Variants in NCKAP5 observed in about 807,000 individuals in gnomAD.
NCKAP5 encodes the protein NCK associated protein 5.
NCKAP5 carries 92 observed loss-of-function variants against 167.0 expected under a neutral mutation model. The observed-to-expected ratio is 0.55, with a 90% CI of 0.47 to 0.66. The LOEUF is 0.66. Among genes scored for constraint, NCKAP5 ranks in the 30% least tolerant of loss-of-function variants. The pLI is 0.00. For synonymous variants in NCKAP5, 891 were observed against 877.4 expected, an observed-to-expected ratio of 1.02 and a Z score of -0.27; for missense variants, 2,378 against 2,315.0, an observed-to-expected ratio of 1.03 and a Z score of -0.56.
At chr2:133,265,386 G>A (rs2089143593) in intron 4 of NCKAP5, among the ~76,000 whole-genome samples, 1 of 152,166 alleles carries the variant, frequency 6.6e-6, no homozygotes, top group Admixed American at 6.5e-5. Context: ...TTTTCTCTAA[G>A]GGGTAGTGTA....
chr2:133,028,977 C>T (rs12473775), intron 6 of NCKAP5, among the ~76,000 whole-genome samples: 1 of 152,036 alleles, frequency 6.6e-6, no homozygotes, highest in Non-Finnish European at 1.5e-5. Context: ...CCTTTGCCTT[C>T]CGCCATGATT....
Position 132,825,692 on chromosome 2 carries a change from G to A in NCKAP5, c.808-28963C>T, listed in dbSNP as rs540949026. Among the ~76,000 whole-genome samples the A allele has an allele frequency of 2.6e-4, 40 of 152,282 alleles. 1 individual carries two copies. Among genetic ancestry groups the A allele is most frequent in the African/African-American group, 8.9e-4 (37 of 41,568 alleles). On this transcript the variant is annotated intron_variant, in intron 11 of 19. Coordinates refer to ENST00000409261, the MANE Select transcript of NCKAP5 (RefSeq NM_207363.3). ...GATTTCATGTTTCACTGTTGCTCAC[G>A]CTCCATTTTAACTACTATCCCTGGT...
At chr2:133,314,160 A>G (rs1456872271) in intron 3 of NCKAP5, among the ~76,000 whole-genome samples, 2 of 152,200 alleles carry the variant, frequency 1.3e-5, no homozygotes, top group African/African-American at 4.8e-5. Flanking sequence ...GAGTCCAGTG[A>G]AGCCAGGCTC....
intron 3 of NCKAP5, among the ~76,000 whole-genome samples, chr2:133,347,488 G>A (rs1019898724): frequency 1.2e-4 from 18 of 152,060 alleles, no homozygotes; most frequent in African/African-American, 4.3e-4. Context: ...AGGAGGCGGA[G>A]GCTGTGGTGA....
At chr2:132,724,028 C>G (rs948406774) in intron 19 of NCKAP5, among the ~76,000 whole-genome samples, 1 of 152,162 alleles carries the variant, frequency 6.6e-6, no homozygotes, top group African/African-American at 2.4e-5. Context: ...ACATGCGAGC[C>G]TCCTGCTACT....
Position 133,311,615 on chromosome 2 carries a change from C to T in NCKAP5, c.70-8505G>A, listed in dbSNP as rs1223521013. On this transcript the variant is annotated intron_variant, in intron 3 of 19. Transcript: ENST00000409261. ...CAACCAGCCCCCATCCTGAGGCTAT[C>T]CAGGAGCCCACAGTCTTCTAAATAG... 2.0e-5 allele frequency among the ~76,000 whole-genome samples: 3 copies of T among 152,158 alleles called. No individual in the cohort carries two copies. The East Asian group carries it at 5.8e-4, about 29-fold the overall frequency.
intron 15 of NCKAP5, among the ~76,000 whole-genome samples, chr2:132,776,091 G>A (rs2104977557): frequency 6.6e-6 from 1 of 152,216 alleles, no homozygotes; most frequent in Non-Finnish European, 1.5e-5. Context: ...TATAGAACAG[G>A]CACTCCTGAT....
intron 3 of NCKAP5, among the ~76,000 whole-genome samples, chr2:133,322,120 C>T (rs184414179): frequency 2.0e-5 from 3 of 152,260 alleles, no homozygotes; most frequent in Admixed American, 6.5e-5. Context: ...TAAAGCCCAT[C>T]TTATAAAGGT....
intron 6 of NCKAP5, among the ~76,000 whole-genome samples, chr2:133,048,184 T>A (rs1262606475): frequency 6.6e-6 from 1 of 152,080 alleles, no homozygotes; most frequent in Non-Finnish European, 1.5e-5. Context: ...AGCGTAGCAG[T>A]GAAAAGAGCA....
intron 11 of NCKAP5, among the ~76,000 whole-genome samples, chr2:132,826,892 T>C (rs951922059): frequency 6.6e-6 from 1 of 152,162 alleles, no homozygotes; most frequent in Admixed American, 6.5e-5. Flanking sequence ...TCTGCAAGCA[T>C]CTGCAGTGCG....
intron 6 of NCKAP5, among the ~76,000 whole-genome samples, chr2:133,070,856 G>A (rs1328749802): frequency 2.6e-5 from 4 of 152,014 alleles, no homozygotes; most frequent in Non-Finnish European, 2.9e-5. Context: ...TATAGTACAC[G>A]CATATAACAT....
chr2:133,341,768 C>T (rs1411498836), intron 3 of NCKAP5, among the ~76,000 whole-genome samples: 1 of 152,246 alleles, frequency 6.6e-6, no homozygotes, highest in Admixed American at 6.5e-5. Context: ...CCTATCTTTC[C>T]TGTCTTTACA....
At chr2:132,881,096 C>T (rs76127525) in intron 8 of NCKAP5, among the ~76,000 whole-genome samples, 2,385 of 152,318 alleles carry the variant, frequency 0.016, 57 homozygotes, top group African/African-American at 0.053. Context: ...AGTATACAAT[C>T]CTACCTGTGA....
intron 5 of NCKAP5, among the ~76,000 whole-genome samples, chr2:133,200,061 C>CTTTCTT (rs1305043203): frequency 4.6e-5 from 5 of 109,374 alleles, no homozygotes; most frequent in Admixed American, 1.1e-4. Flanking sequence ...TTTTTTCTTT[C>CTTTCTT]TTTTTTTTTT....
chr2:133,603,788 C>T, the NCKAP5 span, among the ~76,000 whole-genome samples: 22 of 152,284 alleles, frequency 1.4e-4, no homozygotes, highest in Non-Finnish European at 2.9e-4. Context: ...CCACCTGCCT[C>T]GGCCTCCCAA....
chr2:133,219,583 A>T (rs191398356), intron 4 of NCKAP5, among the ~76,000 whole-genome samples: 14 of 152,316 alleles, frequency 9.2e-5, no homozygotes, highest in African/African-American at 3.1e-4. Context: ...CTTCTGAATT[A>T]TATTCCCTTT....
intron 11 of NCKAP5, among the ~76,000 whole-genome samples, chr2:132,822,839 A>G (rs894008668): frequency 2.6e-4 from 39 of 152,220 alleles, no homozygotes; most frequent in African/African-American, 8.9e-4. Flanking sequence ...TTATCCAGAG[A>G]AATAGATATC....
chr2:133,451,519 G>A (rs1691549661), intron 3 of NCKAP5, among the ~76,000 whole-genome samples: 1 of 152,158 alleles, frequency 6.6e-6, no homozygotes, highest in Admixed American at 6.5e-5. Flanking sequence ...TCCCTGGAAT[G>A]CCACACACGG....
At chr2:133,605,769 C>T in the NCKAP5 span, among the ~76,000 whole-genome samples, 31 of 152,180 alleles carry the variant, frequency 2.0e-4, 1 homozygote, top group Middle Eastern at 3.4e-3. Context: ...CCCTAAAGAA[C>T]CAAGTGTTAC....
Sources: gnomAD v4.1 joint callset for allele counts (sites outside exome capture counted in the v4.1 genomes callset) on GRCh38, gnomAD v4.1.1 for gene constraint, MANE v1.5 for transcripts, NCBI Gene and HGNC (gene_info 2026-07-23, HGNC 2026-07-21) for gene names.